Variants in RAB17 observed in about 807,000 individuals in gnomAD.
RAB17 encodes the protein ras-related protein Rab-17.
RAB17 carries 15 observed loss-of-function variants against 19.3 expected under a neutral mutation model. That is an observed-to-expected ratio of 0.78 (90% confidence interval 0.52 to 1.20). RAB17 has a LOEUF of 1.20. RAB17 is among the 50% of genes most tolerant of loss of function. The probability of loss-of-function intolerance (pLI) is 0.00; values close to 1 mark genes in which losing one functional copy is unlikely to be tolerated. For missense variants in RAB17, 262 were observed against 269.3 expected, an observed-to-expected ratio of 0.97 and a Z score of 0.19; for synonymous variants, 110 against 112.8, an observed-to-expected ratio of 0.97 and a Z score of 0.16.
At chr2:237,585,907 G>A in intron 2 of RAB17, 91 bp downstream of exon 2, 1 of 1,357,388 alleles carries the variant, frequency 7.4e-7, no homozygotes, top group South Asian at 1.5e-5. Context: ...GGATTCCTAG[G>A]TGGGCCTCGT....
Position 237,574,841 on chromosome 2 carries a change from A to AGGAAGATCTGGCG in RAB17, c.*177_*178insCGCCAGATCTTCC. The AGGAAGATCTGGCG allele has an allele frequency of 1.2e-6, 1 of 817,348 alleles. No individual in the cohort carries two copies. The highest frequency in any genetic ancestry group is 1.8e-6 in the Non-Finnish European group (1 of 549,886). The allele number at this position is 817,348 out of a possible 1,614,324, so 50.6% of individuals were successfully genotyped here. ...TTTCCTGGGAGCCATGTGACGCCAG[A>AGGAAGATCTGGCG]TCTTCCTCTGGCAGTTCCCACTGGC... is the stretch of plus-strand genomic sequence containing the variant. On this transcript the variant is annotated 3_prime_UTR_variant, in exon 6 of 6. Coordinates refer to ENST00000264601, the MANE Select transcript of RAB17 (RefSeq NM_022449.4).
Position 237,574,865 on chromosome 2 carries a change from G to A in RAB17, c.*154C>T. On this transcript the variant is annotated 3_prime_UTR_variant, in exon 6 of 6. Transcript: ENST00000264601. ...GATCTTCCTCTGGCAGTTCCCACTG[G>A]CTGTGGGAAGTGGTTTTCATAAAGG... is the stretch of plus-strand genomic sequence containing the variant. 1 of 804,964 alleles carries A rather than the reference G, an allele frequency of 1.2e-6. No individual in the cohort carries two copies. Among genetic ancestry groups the A allele is most frequent in the East Asian group, 2.9e-5 (1 of 34,998 alleles). The allele number at this position is 804,964 out of a possible 1,614,324, so 49.9% of individuals were successfully genotyped here. A position where few individuals can be genotyped will look rare whatever the true frequency, so the allele number is the denominator to read the frequency against.
chr2:237,583,096 G>A lies in RAB17; in HGVS notation c.157+2902C>T, dbSNP rs569685058. On this transcript the variant is annotated intron_variant, in intron 2 of 5. Coordinates refer to ENST00000264601, the MANE Select transcript of RAB17 (RefSeq NM_022449.4). ...CGCCTGGGCAACAGAGCGAGACTCC[G>A]TCTCAAAAAAAATAATAATAAAATA... Among the ~76,000 whole-genome samples the A allele has an allele frequency of 2.0e-4, 31 of 152,224 alleles. 1 individual carries two copies. The South Asian group carries it at 4.4e-3, about 21-fold the overall frequency.
chr2:237,581,826 A>G (rs2081311039), intron 2 of RAB17, among the ~76,000 whole-genome samples: 1 of 152,258 alleles, frequency 6.6e-6, no homozygotes, highest in Admixed American at 6.5e-5. Context: ...CCTTCCTGGA[A>G]AAAGCCCAAC....
rs755214475 is a variant in RAB17 at position 237,574,989 on chromosome 2, C to T, written c.*30G>A. On this transcript the variant is annotated 3_prime_UTR_variant, in exon 6 of 6. Transcript: ENST00000264601. ...TGGCCATGGCCCAGGCAGGGGGTGTCTTCCCCACAGCCCCCAGGAGTGGCT... is the reference window on the plus strand; with the variant it reads ...TGGCCATGGCCCAGGCAGGGGGTGTTTTCCCCACAGCCCCCAGGAGTGGCT... 2 of 1,516,422 alleles carry T rather than the reference C, an allele frequency of 1.3e-6. No individual in the cohort carries two copies. Among genetic ancestry groups the T allele is most frequent in the South Asian group, 2.5e-5 (2 of 79,872 alleles). 93.9% of individuals were successfully genotyped at this position (1,516,422 alleles called of 1,614,324 possible). A position where few individuals can be genotyped will look rare whatever the true frequency, so the allele number is the denominator to read the frequency against.
chr2:237,581,078 G>A (rs1456362034), intron 2 of RAB17, among the ~76,000 whole-genome samples: 7 of 152,062 alleles, frequency 4.6e-5, no homozygotes, highest in Admixed American at 4.6e-4. Context: ...CATGGCTAAG[G>A]CCAAAATGTA....
chr2:237,575,517 AAGAG>A (rs551966752), intron 4 of RAB17, 37 bp from the exon 5 acceptor site: 1 of 1,513,430 alleles, frequency 6.6e-7, no homozygotes, highest in South Asian at 1.2e-5. Context: ...CGCTGTTTAT[AAGAG>A]AGTTTCCTAA....
At chr2:237,577,569 T>A in intron 3 of RAB17, 187 bp from the exon 4 acceptor site, 1 of 635,982 alleles carries the variant, frequency 1.6e-6, no homozygotes, top group Non-Finnish European at 2.6e-6. Context: ...GGGTGACCTG[T>A]GCGGCCAGGC....
chr2:237,583,985 C>G (rs1181173828), intron 2 of RAB17, among the ~76,000 whole-genome samples: 1 of 151,514 alleles, frequency 6.6e-6, no homozygotes, highest in Non-Finnish European at 1.5e-5. Context: ...TTGTTCACCC[C>G]CCGACCCTGG....
intron 2 of RAB17, among the ~76,000 whole-genome samples, chr2:237,585,129 T>C (rs1341581583): frequency 1.3e-5 from 2 of 152,062 alleles, no homozygotes; most frequent in Non-Finnish European, 2.9e-5. Flanking sequence ...TGCATCTGTT[T>C]AGCTGGTTAT....
At chr2:237,582,313 G>A (rs555173981) in intron 2 of RAB17, among the ~76,000 whole-genome samples, 1 of 152,280 alleles carries the variant, frequency 6.6e-6, no homozygotes, top group East Asian at 1.9e-4. Context: ...CCAGACCCTC[G>A]GGAGGGCCCC....
intron 2 of RAB17, among the ~76,000 whole-genome samples, chr2:237,583,694 C>G (rs909693155): frequency 4.6e-5 from 7 of 152,194 alleles, no homozygotes; most frequent in African/African-American, 1.7e-4. Context: ...GGCCCCATCA[C>G]AGAGACCCAG....
At chr2:237,579,883 A>C (rs1191299986) in intron 2 of RAB17, among the ~76,000 whole-genome samples, 1 of 152,230 alleles carries the variant, frequency 6.6e-6, no homozygotes, top group African/African-American at 2.4e-5. Context: ...AGTTCCCTGC[A>C]GGTCCAGGAA....
chr2:237,578,015 TGTC>T lies in RAB17; in HGVS notation c.295_297del (p.Asp99del), dbSNP rs761526340. 7.5e-6 allele frequency: 12 copies of T among 1,601,956 alleles called. No individual in the cohort carries two copies. The highest frequency in any genetic ancestry group is 6.7e-5 in the Admixed American group (4 of 59,586). On this transcript the variant is annotated inframe_deletion, in exon 3 of 6. Coordinates refer to ENST00000264601, the MANE Select transcript of RAB17 (RefSeq NM_022449.4). Reference sequence around the variant, plus strand: ...AAGGCGGGCCCTACCTTCCTGGTGATGTCGTACACCAGAAGCGCAGCGTTGGCA... The same window carrying T: ...AAGGCGGGCCCTACCTTCCTGGTGATGTACACCAGAAGCGCAGCGTTGGCA...
chr2:237,582,633 CT>C (rs2081317458), intron 2 of RAB17, among the ~76,000 whole-genome samples: 1 of 152,208 alleles, frequency 6.6e-6, no homozygotes. Context: ...ACCCTCTCCC[CT>C]GGACAGGAGC....
intron 4 of RAB17, 117 bp downstream of exon 4, chr2:237,577,134 CATGTGT>C (rs1253925310): frequency 1.7e-6 from 2 of 1,205,950 alleles, no homozygotes; most frequent in Non-Finnish European, 2.3e-6. Flanking sequence ...TGTGTGTGCA[CATGTGT>C]AAGTGTGTGC....
intron 1 of RAB17, among the ~76,000 whole-genome samples, chr2:237,589,899 C>A (rs1247822763): frequency 6.6e-6 from 1 of 152,100 alleles, no homozygotes; most frequent in Non-Finnish European, 1.5e-5. Flanking sequence ...AGGGAAGGGT[C>A]TGATTGATGA....
chr2:237,585,724 T>C (rs923861956), intron 2 of RAB17, among the ~76,000 whole-genome samples: 4 of 152,168 alleles, frequency 2.6e-5, no homozygotes, highest in African/African-American at 7.2e-5. Context: ...GCCCGACCCT[T>C]TGGGGCCAGA....
chr2:237,582,615 C>A (rs13404216), intron 2 of RAB17, among the ~76,000 whole-genome samples: 61,150 of 152,074 alleles, frequency 0.4, 14,597 homozygotes, highest in African/African-American at 0.67. Context: ...AGGCTCTGCT[C>A]CTGGCCTACC....
Sources: gnomAD v4.1 joint callset for allele counts (sites outside exome capture counted in the v4.1 genomes callset) on GRCh38, gnomAD v4.1.1 for gene constraint, MANE v1.5 for transcripts, NCBI Gene and HGNC (gene_info 2026-07-23, HGNC 2026-07-21) for gene names.